The following GABRA4 variants were observed in gnomAD, a reference collection of about 807,000 sequenced individuals.
GABRA4 encodes the protein gamma-aminobutyric acid type A receptor subunit alpha4.
In GABRA4, 12 loss-of-function variants were observed where a neutral mutation model predicts 49.7. The observed-to-expected ratio is 0.24, with a 90% confidence interval of 0.15 to 0.39. The LOEUF (loss-of-function observed/expected upper bound fraction) is 0.39. Ranked by LOEUF, GABRA4 falls within the 10% of genes least tolerant of loss-of-function variation. The pLI is 1.00. For missense variants in GABRA4, 506 were observed against 686.0 expected (o/e 0.74, Z 2.93); for synonymous variants, 288 against 240.2 (o/e 1.20, Z -1.84).
In GABRA4 at chr4:46,922,761, T is replaced by G. The variant is rs1446771297; in HGVS notation, c.*5464A>C. 1 of 152,032 alleles carries G rather than the reference T, an allele frequency of 6.6e-6. No individual in the cohort carries two copies. The highest frequency in any genetic ancestry group is 1.5e-5 in the Non-Finnish European group (1 of 67,984). 9.4% of individuals were successfully genotyped at this position (152,032 alleles called of 1,614,324 possible). On this transcript the variant is annotated 3_prime_UTR_variant, in exon 9 of 9. Transcript: ENST00000264318. Reference sequence around the variant, plus strand: ...AGTTACAAAATAGAATAATCACAACTGAAAACTCACTAGGGTTATGGTTGA... The same window carrying G: ...AGTTACAAAATAGAATAATCACAACGGAAAACTCACTAGGGTTATGGTTGA...
At chr4:46,989,009 A>C (rs1156404769) in intron 2 of GABRA4, among the ~76,000 whole-genome samples, 5 of 152,232 alleles carry the variant, frequency 3.3e-5, no homozygotes, top group Admixed American at 3.3e-4. Context: ...GAAGTCCACT[A>C]ATGTGAAGTC....
rs185686328 is a variant in GABRA4, at chr4:46,945,780, T to C, written c.1135-17025A>G. On this transcript the variant is annotated intron_variant, in intron 8 of 8. Coordinates refer to ENST00000264318, the MANE Select transcript of GABRA4 (RefSeq NM_000809.4). ...ACTCTTCTGAGCTAAAAGAACACCT[T>C]AAAACACCATTTGAAAAAGTAGCCT... is the stretch of plus-strand genomic sequence containing the variant. Among the ~76,000 whole-genome samples the C allele has an allele frequency of 6.6e-5, 10 of 152,244 alleles. No homozygotes were observed. The East Asian group carries it at 1.9e-3, about 29-fold the overall frequency.
intron 8 of GABRA4, among the ~76,000 whole-genome samples, chr4:46,952,916 G>GT (rs1383654698): frequency 6.6e-6 from 1 of 152,016 alleles, no homozygotes; most frequent in Non-Finnish European, 1.5e-5. Context: ...GAAATGTGTA[G>GT]TTTTTTCATA....
At chr4:46,974,026 G>A (rs917121588) in intron 6 of GABRA4, among the ~76,000 whole-genome samples, 2 of 151,734 alleles carry the variant, frequency 1.3e-5, no homozygotes, top group Admixed American at 1.3e-4. Flanking sequence ...CTCACTTTTA[G>A]CATCTTACTA....
intron 6 of GABRA4, among the ~76,000 whole-genome samples, chr4:46,973,967 A>T (rs925905639): frequency 6.6e-6 from 1 of 151,880 alleles, no homozygotes; most frequent in African/African-American, 2.4e-5. Context: ...TGTGAAAATA[A>T]TTTTAACATA....
At chr4:46,987,901 G>T (rs1349733178) in intron 2 of GABRA4, among the ~76,000 whole-genome samples, 1 of 152,046 alleles carries the variant, frequency 6.6e-6, no homozygotes, top group Non-Finnish European at 1.5e-5. Context: ...TTCACTAAGA[G>T]AATAAGTTAT....
intron 7 of GABRA4, among the ~76,000 whole-genome samples, chr4:46,970,152 G>A (rs1344477253): frequency 6.6e-6 from 1 of 151,350 alleles, no homozygotes; most frequent in Non-Finnish European, 1.5e-5. Context: ...TGGGGAGGTA[G>A]GATGAAAAGT....
intron 2 of GABRA4, among the ~76,000 whole-genome samples, chr4:46,987,912 G>T (rs535067878): frequency 1.8e-4 from 27 of 152,080 alleles, no homozygotes; most frequent in African/African-American, 6.3e-4. Context: ...AATAAGTTAT[G>T]CTCTTTTACA....
chr4:46,976,302 G>A (rs1433996736), intron 5 of GABRA4, among the ~76,000 whole-genome samples: 1 of 114,384 alleles, frequency 8.7e-6, no homozygotes, highest in African/African-American at 3.4e-5. Flanking sequence ...TAAAACAACA[G>A]CCTCCATTTC....
intron 8 of GABRA4, among the ~76,000 whole-genome samples, chr4:46,947,266 A>G (rs546625907): frequency 2.6e-5 from 4 of 152,080 alleles, no homozygotes; most frequent in South Asian, 4.2e-4. Flanking sequence ...AAATTTGTTT[A>G]CCCCATTCCC....
intron 8 of GABRA4, among the ~76,000 whole-genome samples, chr4:46,935,229 G>C (rs1721567095): frequency 6.6e-6 from 1 of 152,090 alleles, no homozygotes; most frequent in Non-Finnish European, 1.5e-5. Flanking sequence ...AGACAGACCT[G>C]GTTGCAAATA....
intron 7 of GABRA4, among the ~76,000 whole-genome samples, chr4:46,969,969 A>G (rs1445068748): frequency 6.6e-6 from 1 of 150,998 alleles, no homozygotes; most frequent in African/African-American, 2.4e-5. Context: ...GCCCCCCCAT[A>G]TGAGTTTCTC....
chr4:46,993,069 G>C, intron 1 of GABRA4, 123 bp from the exon 2 acceptor site: 2 of 777,546 alleles, frequency 2.6e-6, no homozygotes, highest in Non-Finnish European at 4.2e-6. Context: ...AAGGAGAGGA[G>C]GTTGGGGGTT....
At chr4:46,972,076 G>A (rs1489563121) in intron 6 of GABRA4, among the ~76,000 whole-genome samples, 5 of 151,596 alleles carry the variant, frequency 3.3e-5, no homozygotes, top group South Asian at 2.1e-4. Flanking sequence ...TACCAGATGT[G>A]TTCTAAATCC....
chr4:46,973,759 C>T (rs193281075), intron 6 of GABRA4, among the ~76,000 whole-genome samples: 1 of 151,672 alleles, frequency 6.6e-6, no homozygotes, highest in Non-Finnish European at 1.5e-5. Flanking sequence ...CATGTGATAA[C>T]CTTAATGTAT....
At chr4:46,940,057 A>G (rs1721738817) in intron 8 of GABRA4, among the ~76,000 whole-genome samples, 1 of 152,064 alleles carries the variant, frequency 6.6e-6, no homozygotes, top group African/African-American at 2.4e-5. Context: ...TTTTAATTGA[A>G]GACACTTTCC....
intron 2 of GABRA4, among the ~76,000 whole-genome samples, chr4:46,983,671 T>A (rs1342589609): frequency 2.6e-5 from 4 of 152,118 alleles, no homozygotes; most frequent in Non-Finnish European, 5.9e-5. Flanking sequence ...GGTCACTATG[T>A]AATTAAGAAT....
intron 2 of GABRA4, among the ~76,000 whole-genome samples, chr4:46,980,706 G>C (rs543358792): frequency 1.1e-4 from 17 of 152,106 alleles, no homozygotes; most frequent in African/African-American, 4.1e-4. Context: ...AGCAAAACAT[G>C]ATAGTAATAA....
chr4:46,929,743 C>T (rs936342825), intron 8 of GABRA4, among the ~76,000 whole-genome samples: 7 of 152,046 alleles, frequency 4.6e-5, no homozygotes, highest in Non-Finnish European at 1.0e-4. Context: ...TTTGTCCTCC[C>T]TAACTATGCT....
Sources: allele counts gnomAD v4.1 joint callset (sites outside exome capture counted in the v4.1 genomes callset), GRCh38; gene constraint gnomAD v4.1.1; transcripts MANE v1.5; gene names NCBI Gene and HGNC (gene_info 2026-07-23, HGNC 2026-07-21).